Variants in PRR16 observed in about 807,000 individuals in gnomAD.
PRR16 encodes proline rich 16.
A neutral mutation model predicts 18.2 loss-of-function variants in PRR16; 6 were observed. The ratio of observed to expected loss-of-function variants is 0.33; its 90% CI spans 0.18 to 0.65. The LOEUF is 0.65. Ranked by LOEUF, PRR16 falls within the 30% of genes least tolerant of loss-of-function variation. The probability of loss-of-function intolerance (pLI) is 0.74; values close to 1 mark genes in which losing one functional copy is unlikely to be tolerated. For missense variants in PRR16, 412 were observed against 376.6 expected, an observed-to-expected ratio of 1.09 and a Z score of -0.78; for synonymous variants, 151 against 147.8, an observed-to-expected ratio of 1.02 and a Z score of -0.16.
chr5:120,676,506 T>A (rs1239951120), intron 1 of PRR16, among the ~76,000 whole-genome samples: 3 of 138,514 alleles, frequency 2.2e-5, no homozygotes, highest in African/African-American at 5.5e-5. Flanking sequence ...TATGTTTATT[T>A]TATATATATA....
rs1437594996 is a variant in PRR16, at chr5:120,506,004, A to G, written c.159+41359A>G. Among the ~76,000 whole-genome samples the G allele has an allele frequency of 2.0e-5, 3 of 150,272 alleles. No individual in the cohort carries two copies. In the South Asian group the frequency reaches 6.3e-4, roughly 31 times the overall value. ...TTCTACATAGAGTGCATCTAGTTTCATCACATTTACTTCATCATGTTCACT... is the reference window on the plus strand; with the variant it reads ...TTCTACATAGAGTGCATCTAGTTTCGTCACATTTACTTCATCATGTTCACT... On this transcript the variant is annotated intron_variant, in intron 1 of 1. Coordinates refer to ENST00000407149, the MANE Select transcript of PRR16 (RefSeq NM_001300783.2).
intron 1 of PRR16, among the ~76,000 whole-genome samples, chr5:120,644,209 G>A (rs1755517559): frequency 6.6e-6 from 1 of 152,066 alleles, no homozygotes. Context: ...TTGAGGTAAT[G>A]TCTGTAAAGT....
chr5:120,699,100 T>A, the PRR16 span, among the ~76,000 whole-genome samples: 1 of 151,738 alleles, frequency 6.6e-6, no homozygotes, highest in East Asian at 1.9e-4. Context: ...GTAAAGCTAA[T>A]CTGCCAGTCC....
chr5:120,768,380 G>C, the PRR16 span, among the ~76,000 whole-genome samples: 1 of 150,970 alleles, frequency 6.6e-6, no homozygotes, highest in Non-Finnish European at 1.5e-5. Context: ...TCCTTATTTT[G>C]AGATGTCTCT....
intron 1 of PRR16, among the ~76,000 whole-genome samples, chr5:120,541,244 C>G (rs1348852832): frequency 6.6e-6 from 1 of 152,176 alleles, no homozygotes; most frequent in African/African-American, 2.4e-5. Flanking sequence ...CCTCCAGGTT[C>G]AAGTGATTCT....
intron 1 of PRR16, among the ~76,000 whole-genome samples, chr5:120,556,785 C>G (rs573176076): frequency 6.6e-6 from 1 of 152,030 alleles, no homozygotes; most frequent in African/African-American, 2.4e-5. Context: ...TCTGCCCTCA[C>G]TAATCCTCAA....
intron 1 of PRR16, among the ~76,000 whole-genome samples, chr5:120,669,418 T>TA (rs1051926033): frequency 5.9e-5 from 9 of 152,118 alleles, no homozygotes; most frequent in Middle Eastern, 3.4e-3. Flanking sequence ...TATTGTTTTT[T>TA]AAAAAAATCC....
chr5:120,526,236 T>A (rs1751341968), intron 1 of PRR16, among the ~76,000 whole-genome samples: 1 of 152,142 alleles, frequency 6.6e-6, no homozygotes, highest in African/African-American at 2.4e-5. Flanking sequence ...CTTTGCAGAC[T>A]TTTTCCTTTT....
At chr5:120,626,154 C>CT (rs1398288523) in intron 1 of PRR16, among the ~76,000 whole-genome samples, 4 of 152,160 alleles carry the variant, frequency 2.6e-5, no homozygotes, top group African/African-American at 7.2e-5. Context: ...ACCCATAAAA[C>CT]TGGGTTGTGA....
chr5:120,669,837 G>T (rs995849624), intron 1 of PRR16, among the ~76,000 whole-genome samples: 3 of 151,964 alleles, frequency 2.0e-5, no homozygotes, highest in African/African-American at 7.2e-5. Context: ...AATTCATAGA[G>T]AATTTAATGA....
chr5:120,606,917 TG>T (rs533657256), intron 1 of PRR16, among the ~76,000 whole-genome samples: 2 of 151,928 alleles, frequency 1.3e-5, no homozygotes, highest in Non-Finnish European at 2.9e-5. Context: ...AAAAAAAAAT[TG>T]GGGTATGCCA....
chr5:120,648,121 C>A (rs1755656531), intron 1 of PRR16, among the ~76,000 whole-genome samples: 1 of 151,936 alleles, frequency 6.6e-6, no homozygotes, highest in Admixed American at 6.6e-5. Context: ...TGCTAATTTC[C>A]AATGTAAATA....
intron 1 of PRR16, among the ~76,000 whole-genome samples, chr5:120,621,979 C>A (rs1265747213): frequency 1.3e-5 from 2 of 152,130 alleles, no homozygotes; most frequent in Non-Finnish European, 2.9e-5. Context: ...TTCATGTCAC[C>A]TTTTTCAGAG....
At chr5:120,638,299 C>T (rs1391508604) in intron 1 of PRR16, among the ~76,000 whole-genome samples, 1 of 152,012 alleles carries the variant, frequency 6.6e-6, no homozygotes. Context: ...ATAGAAATGG[C>T]ATCACAGGTT....
At chr5:120,475,618 T>A (rs957430243) in intron 1 of PRR16, among the ~76,000 whole-genome samples, 14 of 151,992 alleles carry the variant, frequency 9.2e-5, no homozygotes, top group Non-Finnish European at 1.8e-4. Context: ...GTGCCTATAG[T>A]CCCAGCCACT....
chr5:120,570,166 C>A (rs1752861417), intron 1 of PRR16, among the ~76,000 whole-genome samples: 2 of 152,072 alleles, frequency 1.3e-5, no homozygotes, highest in Admixed American at 6.6e-5. Flanking sequence ...ATAAATAAAA[C>A]CCTTCCTCCC....
At chr5:120,699,721 AC>A in the PRR16 span, among the ~76,000 whole-genome samples, 1 of 152,078 alleles carries the variant, frequency 6.6e-6, no homozygotes, top group Admixed American at 6.6e-5. Context: ...GTCAAGTTGG[AC>A]AGAAAGGCTA....
At chr5:120,700,001 G>A in the PRR16 span, among the ~76,000 whole-genome samples, 1,031 of 152,292 alleles carry the variant, frequency 6.8e-3, 21 homozygotes, top group African/African-American at 0.024. Context: ...ATGGGTGTCA[G>A]GGTCAGTCCT....
rs191262105 is a variant in PRR16 at position 120,485,895 on chromosome 5, C to T, written c.159+21250C>T. 2.3e-3 allele frequency among the ~76,000 whole-genome samples: 345 copies of T among 152,118 alleles called. 2 individuals are homozygous for T. The highest frequency in any genetic ancestry group is 7.5e-3 in the African/African-American group (313 of 41,492). ...ATTCCCACCTATGAGTGAGAACATGCGACATTTGGTTTTTTGTCCTTGTGA... is the reference window on the plus strand; with the variant it reads ...ATTCCCACCTATGAGTGAGAACATGTGACATTTGGTTTTTTGTCCTTGTGA... On this transcript the variant is annotated intron_variant, in intron 1 of 1. Coordinates refer to ENST00000407149, the MANE Select transcript of PRR16 (RefSeq NM_001300783.2).
Sources: allele counts gnomAD v4.1 joint callset (sites outside exome capture counted in the v4.1 genomes callset), GRCh38; gene constraint gnomAD v4.1.1; transcripts MANE v1.5; gene names NCBI Gene and HGNC (gene_info 2026-07-23, HGNC 2026-07-21).